Variants in SEC23B observed in about 807,000 individuals in gnomAD.
The protein encoded by SEC23B is SEC23 homolog B, COPII component.
SEC23B carries 77 observed loss-of-function variants against 104.3 expected under a neutral mutation model. That is an observed-to-expected ratio of 0.74 (90% CI 0.61 to 0.89). The LOEUF (loss-of-function observed/expected upper bound fraction) is 0.89, where lower values mean the gene tolerates loss of function less well. Ranked by LOEUF, SEC23B falls within the 40% of genes least tolerant of loss-of-function variation. The probability of loss-of-function intolerance (pLI) is 0.00; values close to 1 mark genes in which losing one functional copy is unlikely to be tolerated. For synonymous variants in SEC23B, 338 were observed against 332.5 expected (o/e 1.02, Z -0.18); for missense variants, 885 against 949.4 (o/e 0.93, Z 0.89).
intron 9 of SEC23B, among the ~76,000 whole-genome samples, chr20:18,529,043 A>G (rs1368378026): frequency 6.6e-6 from 1 of 152,210 alleles, no homozygotes; most frequent in East Asian, 1.9e-4. Context: ...GAACATTGCA[A>G]TTTCAAGGGG....
chr20:18,524,789 C>A, intron 5 of SEC23B, 120 bp downstream of exon 5: 1 of 1,204,874 alleles, frequency 8.3e-7, no homozygotes, highest in Non-Finnish European at 1.2e-6. Flanking sequence ...TGCTCAATGG[C>A]TCAAGCCATT....
At chr20:18,560,506 C>T (rs1447230582) in intron 19 of SEC23B, 145 bp from the exon 20 acceptor site, 9 of 708,196 alleles carry the variant, frequency 1.3e-5, no homozygotes, top group East Asian at 7.8e-5. Context: ...AGAAGTTGTT[C>T]GTGAGGCAGA....
At chr20:18,508,106 G>T (rs1381691575) in intron 1 of SEC23B, 134 bp downstream of exon 1, 1 of 152,278 alleles carries the variant, frequency 6.6e-6, no homozygotes, top group Non-Finnish European at 1.5e-5. Flanking sequence ...GGTAGCGGGG[G>T]AATGGATGAT....
chr20:18,517,777 G>T (rs934262375), intron 4 of SEC23B, among the ~76,000 whole-genome samples: 3 of 152,146 alleles, frequency 2.0e-5, no homozygotes, highest in African/African-American at 7.2e-5. Context: ...AGCATTTGTC[G>T]TATAGAATTA....
chr20:18,559,284 TGACCCTCCTCCA>T lies in SEC23B; in HGVS notation c.2215-1365_2215-1354del, dbSNP rs1331674231. ...TACACTTGGGTGATGGTGAAAGTCC[TGACCCTCCTCCA>T]GGCCTCTGAGGCCACCCCAGTAGGC... On this transcript the variant is annotated intron_variant, in intron 19 of 19. Coordinates refer to ENST00000650089, the MANE Select transcript of SEC23B (RefSeq NM_006363.6). Among the ~76,000 whole-genome samples the T allele has an allele frequency of 7.9e-5, 12 of 152,280 alleles. No homozygotes were observed. In the East Asian group the frequency reaches 2.1e-3, roughly 27 times the overall value.
intron 4 of SEC23B, among the ~76,000 whole-genome samples, chr20:18,521,464 A>T (rs980182773): frequency 6.6e-6 from 1 of 152,322 alleles, no homozygotes; most frequent in Non-Finnish European, 1.5e-5. Context: ...CCTAAATGCT[A>T]ACTGATTTGG....
intron 12 of SEC23B, among the ~76,000 whole-genome samples, chr20:18,541,026 C>G (rs1485142599): frequency 6.6e-6 from 1 of 152,266 alleles, no homozygotes; most frequent in East Asian, 1.9e-4. Flanking sequence ...CCACCTTCAT[C>G]AGTGATCTTA....
chr20:18,554,966 ACAATTCTAAT>A lies in SEC23B; in HGVS notation c.2149-141_2149-132del. The A allele has an allele frequency of 6.7e-4, 84 of 124,590 alleles. 33 individuals carry two copies. The highest frequency in any genetic ancestry group is 1.9e-3 in the South Asian group (20 of 10,444). The allele number at this position is 124,590 out of a possible 1,614,324, so 7.7% of individuals were successfully genotyped here. A position where few individuals can be genotyped will look rare whatever the true frequency, so the allele number is the denominator to read the frequency against. ...AAGAAATAGATTACTGTGCAGTAAA[ACAATTCTAAT>A]TAGATTACTGTGCAGTAAAACAATT... On this transcript the variant is annotated intron_variant, in intron 18 of 19. Coordinates refer to ENST00000650089, the MANE Select transcript of SEC23B (RefSeq NM_006363.6).
At chr20:18,544,138 C>T (rs1280871684) in intron 14 of SEC23B, among the ~76,000 whole-genome samples, 2 of 152,178 alleles carry the variant, frequency 1.3e-5, no homozygotes, top group Admixed American at 6.5e-5. Context: ...GAGTTTGGAG[C>T]CAGCACAAGG....
intron 8 of SEC23B, 51 bp downstream of exon 8, chr20:18,526,582 T>A: frequency 6.3e-7 from 1 of 1,599,452 alleles, no homozygotes; most frequent in Non-Finnish European, 8.6e-7. Flanking sequence ...TTGTCAGGTT[T>A]GGGCTGCTCT....
At chr20:18,507,736 C>T (rs2059941954), upstream of SEC23B, 1 of 152,316 alleles carries the variant, frequency 6.6e-6, no homozygotes, top group Admixed American at 6.5e-5. Flanking sequence ...TTCCGAGGAA[C>T]TCTCGTTTTG....
rs750888081 is a variant in SEC23B at position 18,526,476 on chromosome 20, G to A, written c.938G>A (p.Arg313His). ...VVGDELKIPIRSWHDIEKDNA... is the reference protein window; with the variant it reads ...VVGDELKIPIHSWHDIEKDNA... ...GGAGATGAATTAAAGATTCCTATTC[G>A]TTCTTGGCATGATATTGAGAAAGAT... The change falls in exon 8 of 20, where the codon CGT (arginine) becomes CAT (histidine). Residue 313 changes from arginine to histidine, a missense_variant. Arg to His is a conservative substitution (Grantham distance 29, BLOSUM62 0). Coordinates refer to ENST00000650089, the MANE Select transcript of SEC23B (RefSeq NM_006363.6). 4 of 1,614,136 alleles carry A rather than the reference G, an allele frequency of 2.5e-6. No individual in the cohort carries two copies. The highest frequency in any genetic ancestry group is 1.7e-5 in the Admixed American group (1 of 60,012).
chr20:18,530,783 G>C lies in SEC23B; in HGVS notation c.1213G>C (p.Gly405Arg). 6.2e-7 allele frequency: 1 copy of C among 1,612,166 alleles called. No individual in the cohort carries two copies. ...TAATGGAGATTTCCGAATGGCATTT[G>C]GTGCTACTTTGGACGTAAAGGTACG... ...DFNGDFRMAF[G>R]ATLDVKTSRE... is the part of the protein sequence containing the mutation. Residue 405 changes from glycine (G) to arginine (R), a missense_variant, in exon 10 of 20, where the codon GGT becomes CGT. Coordinates refer to ENST00000650089, the MANE Select transcript of SEC23B (RefSeq NM_006363.6).
At chr20:18,550,774 A>G (rs1354279717) in intron 16 of SEC23B, among the ~76,000 whole-genome samples, 2 of 151,954 alleles carry the variant, frequency 1.3e-5, no homozygotes, top group Admixed American at 1.3e-4. Context: ...GCAGTGAGCC[A>G]GGGTCACATC....
chr20:18,551,723 AT>A (rs1214751947), intron 17 of SEC23B, among the ~76,000 whole-genome samples: 1 of 151,868 alleles, frequency 6.6e-6, no homozygotes, highest in African/African-American at 2.4e-5. Context: ...CAAAAAATAA[AT>A]AATAATAATA....
In SEC23B at chr20:18,510,916, C is replaced by A. The variant is rs139419360; in HGVS notation, c.81C>A (p.Ser27Arg). ...VRFSWNVWPS[S>R]RLEATRMVVP... ...TTAGTTGGAACGTGTGGCCTTCCAG[C>A]CGGCTGGAGGCTACAAGAATGGTTG... is the stretch of plus-strand genomic sequence containing the variant. The change falls in exon 2 of 20, where the codon AGC becomes AGA. Residue 27 changes from serine to arginine, a missense_variant. Ser to Arg is a moderately radical substitution (Grantham distance 110, BLOSUM62 -1). Coordinates refer to ENST00000650089, the MANE Select transcript of SEC23B (RefSeq NM_006363.6). 3.1e-6 allele frequency: 5 copies of A among 1,614,026 alleles called. No individual in the cohort carries two copies. In the Admixed American group the frequency reaches 5.0e-5, roughly 16 times the overall value.
At chr20:18,552,471 GC>G (rs1454275556) in intron 17 of SEC23B, among the ~76,000 whole-genome samples, 3 of 152,042 alleles carry the variant, frequency 2.0e-5, no homozygotes, top group Non-Finnish European at 4.4e-5. Flanking sequence ...TCAATCAACT[GC>G]AGGTTAAAAA....
intron 9 of SEC23B, among the ~76,000 whole-genome samples, chr20:18,530,064 C>A (rs1033423083): frequency 1.3e-5 from 2 of 152,118 alleles, no homozygotes; most frequent in African/African-American, 4.8e-5. Flanking sequence ...TATTTTGAGG[C>A]AGTAAATTAA....
At chr20:18,517,998 T>G (rs1209423398) in intron 4 of SEC23B, among the ~76,000 whole-genome samples, 34 of 152,202 alleles carry the variant, frequency 2.2e-4, no homozygotes, top group Admixed American at 2.2e-3. Flanking sequence ...GTCCTTTTTG[T>G]TAAGTTGGAG....
Sources: gnomAD v4.1 joint callset for allele counts (sites outside exome capture counted in the v4.1 genomes callset) on GRCh38, gnomAD v4.1.1 for gene constraint, MANE v1.5 for transcripts, NCBI Gene and HGNC (gene_info 2026-07-23, HGNC 2026-07-21) for gene names.